The following CUX2 variants were observed in gnomAD, a reference collection of about 807,000 sequenced individuals.
CUX2 encodes the protein cut like homeobox 2.
Under a neutral mutation model 144.8 loss-of-function variants are expected in CUX2, and 40 were observed. The ratio of observed to expected loss-of-function variants is 0.28; its 90% CI spans 0.21 to 0.36. CUX2 has a LOEUF of 0.36. Ranked by LOEUF, CUX2 falls within the 10% of genes least tolerant of loss-of-function variation. CUX2 has a pLI of 1.00. For missense variants in CUX2, 1,615 were observed against 1,994.0 expected (o/e 0.81, Z 3.62); for synonymous variants, 827 against 875.6 (o/e 0.94, Z 0.98).
chr12:111,074,667 G>C (rs377378716), intron 1 of CUX2, among the ~76,000 whole-genome samples: 1 of 152,056 alleles, frequency 6.6e-6, no homozygotes, highest in Admixed American at 6.5e-5. Context: ...CAGGAGGGAA[G>C]TGGGGGGTTG....
In CUX2 at chr12:111,322,441, C is replaced by T. The variant is rs1194176773; in HGVS notation, c.2787C>T (p.Gly929=). ...CGCAGGTGCTGGGCCTGTCACAGGG[C>T]AGCGTGAGCGACATGCTGTCCCGGC... is the stretch of plus-strand genomic sequence containing the variant. ...FGEKVLGLSQ[G]SVSDMLSRPK... The change falls in exon 18 of 22, where the codon GGC becomes GGT. Residue 929 remains glycine (G), a synonymous_variant. Coordinates refer to ENST00000261726, the MANE Select transcript of CUX2 (RefSeq NM_015267.4). The surrounding 1 kb of genome is among the most constrained non-coding windows in gnomAD (Gnocchi z 4.2). The T allele has an allele frequency of 2.6e-6, 4 of 1,566,278 alleles. No individual in the cohort carries two copies. Among genetic ancestry groups the T allele is most frequent in the Non-Finnish European group, 3.5e-6 (4 of 1,156,702 alleles).
intron 1 of CUX2, among the ~76,000 whole-genome samples, chr12:111,212,024 G>C (rs180996689): frequency 2.0e-5 from 3 of 152,194 alleles, no homozygotes; most frequent in East Asian, 1.9e-4. Context: ...ACTAAGAAGA[G>C]CTGGGAGTAC....
intron 1 of CUX2, among the ~76,000 whole-genome samples, chr12:111,151,524 G>A (rs192516350): frequency 5.3e-5 from 8 of 152,310 alleles, no homozygotes; most frequent in African/African-American, 1.9e-4. Context: ...GCACTGACAG[G>A]GAGAATTCGC....
At chr12:111,211,470 G>A (rs973970245) in intron 1 of CUX2, among the ~76,000 whole-genome samples, 7 of 152,194 alleles carry the variant, frequency 4.6e-5, no homozygotes, top group Non-Finnish European at 8.8e-5. Flanking sequence ...GACTTATCCT[G>A]CTCTGCAATT....
chr12:111,098,216 A>G (rs541455609), intron 1 of CUX2, among the ~76,000 whole-genome samples: 1 of 152,272 alleles, frequency 6.6e-6, no homozygotes, highest in East Asian at 1.9e-4. Flanking sequence ...GCTGGACAAC[A>G]TGGCAAAACC....
intron 4 of CUX2, among the ~76,000 whole-genome samples, chr12:111,275,148 C>T (rs542369649): frequency 6.6e-6 from 1 of 152,228 alleles, no homozygotes; most frequent in African/African-American, 2.4e-5. Context: ...AGCCATTTTA[C>T]TAAGTAGTTT....
intron 1 of CUX2, among the ~76,000 whole-genome samples, chr12:111,199,621 G>T (rs1430632290): frequency 6.6e-6 from 1 of 152,110 alleles, no homozygotes; most frequent in Non-Finnish European, 1.5e-5. Context: ...AGGGCAGGCC[G>T]GTCTGTCATG....
At chr12:111,194,204 G>C (rs892788977) in intron 1 of CUX2, among the ~76,000 whole-genome samples, 1 of 152,112 alleles carries the variant, frequency 6.6e-6, no homozygotes, top group African/African-American at 2.4e-5. Context: ...ACCTCTCTGT[G>C]CCTCAGCGGT....
chr12:111,331,446 C>A (rs1888117937), intron 18 of CUX2, among the ~76,000 whole-genome samples: 2 of 152,108 alleles, frequency 1.3e-5, no homozygotes, highest in South Asian at 4.1e-4. Context: ...TCCTAGACCC[C>A]ACACCATGCT....
At position 111,179,153 on chromosome 12, in the gene CUX2, C is replaced by T. The variant is rs576376731; in HGVS notation, c.64-35047C>T. Among the ~76,000 whole-genome samples the T allele has an allele frequency of 2.6e-5, 4 of 152,272 alleles. No individual in the cohort carries two copies. The South Asian group carries it at 8.3e-4, about 32-fold the overall frequency. On this transcript the variant is annotated intron_variant, in intron 1 of 21. Transcript: ENST00000261726. ...CCCCTCCTCATTGAGGATCCCCTCA[C>T]AGGGAGCCTAGCAGGACCCCTGGAA...
chr12:111,104,757 G>T (rs906053167), intron 1 of CUX2, among the ~76,000 whole-genome samples: 1 of 152,182 alleles, frequency 6.6e-6, no homozygotes, highest in Non-Finnish European at 1.5e-5. Context: ...ACCAGAGGAG[G>T]AAACAGCAGC....
chr12:111,048,958 TC>T (rs1164736210), intron 1 of CUX2, among the ~76,000 whole-genome samples: 1 of 152,110 alleles, frequency 6.6e-6, no homozygotes. Context: ...TCATCCATCA[TC>T]CACTCATCCA....
intron 4 of CUX2, among the ~76,000 whole-genome samples, chr12:111,286,536 G>A (rs1259332438): frequency 1.3e-5 from 2 of 152,074 alleles, no homozygotes; most frequent in African/African-American, 4.8e-5. Context: ...AGGGGTTTGA[G>A]ACCAGTCTGG....
At chr12:111,097,765 G>C (rs76827929) in intron 1 of CUX2, among the ~76,000 whole-genome samples, 1 of 152,188 alleles carries the variant, frequency 6.6e-6, no homozygotes, top group African/African-American at 2.4e-5. Context: ...GAGCAGGCAG[G>C]GGATCGGGGT....
intron 18 of CUX2, among the ~76,000 whole-genome samples, chr12:111,333,625 G>C (rs1442781163): frequency 6.6e-6 from 1 of 152,150 alleles, no homozygotes. Context: ...TCACAGAAGT[G>C]ATGCCATGTC....
rs1414614541 is a variant in CUX2, at chr12:111,347,770, G to A, written c.3906G>A (p.Gln1302=). Residue 1302 remains glutamine (Q), a synonymous_variant, in exon 22 of 22, where the codon CAG becomes CAA. Coordinates refer to ENST00000261726, the MANE Select transcript of CUX2 (RefSeq NM_015267.4). ...CCCAAGTGAGGATCAAGCAGGAACA[G>A]ATGGAGGAGGATGCTGAGGAAGAGG... ...DKAQVRIKQE[Q]MEEDAEEEAG... 4 of 1,613,934 alleles carry A rather than the reference G, an allele frequency of 2.5e-6. No individual in the cohort carries two copies. Among genetic ancestry groups the A allele is most frequent in the African/African-American group, 2.7e-5 (2 of 74,880 alleles).
At chr12:111,069,537 T>TGTGTGTGTGTGTGCGCGCGC (rs1566199189) in intron 1 of CUX2, among the ~76,000 whole-genome samples, 1 of 134,808 alleles carries the variant, frequency 7.4e-6, no homozygotes, top group South Asian at 2.1e-4. Flanking sequence ...TGTGTGTGTG[T>TGTGTGTGTGTGTGCGCGCGC]GTGTGTGTGT....
chr12:111,226,332 G>A (rs944914496), intron 3 of CUX2, among the ~76,000 whole-genome samples: 2 of 152,190 alleles, frequency 1.3e-5, no homozygotes, highest in Non-Finnish European at 2.9e-5. Flanking sequence ...CCCTCTGGAA[G>A]TCTGCCCTGC....
chr12:111,085,876 G>A (rs936725213), intron 1 of CUX2, among the ~76,000 whole-genome samples: 4 of 152,218 alleles, frequency 2.6e-5, no homozygotes, highest in Non-Finnish European at 5.9e-5. Context: ...CTTACACAGG[G>A]CAGATGCTTG....
Sources: allele counts gnomAD v4.1 joint callset (sites outside exome capture counted in the v4.1 genomes callset), GRCh38; gene constraint gnomAD v4.1.1; non-coding constraint Gnocchi (gnomAD v3.1); transcripts MANE v1.5; gene names NCBI Gene and HGNC (gene_info 2026-07-23, HGNC 2026-07-21).